The following FBXO10 variants were observed in gnomAD, a reference collection of about 807,000 sequenced individuals.
The protein encoded by FBXO10 is F-box protein 10.
FBXO10 carries 39 observed loss-of-function variants against 80.7 expected under a neutral mutation model. The observed-to-expected ratio is 0.48, with a 90% CI of 0.37 to 0.63. The LOEUF is 0.63. FBXO10 is among the 30% of genes least tolerant of loss of function. FBXO10 has a pLI of 0.00. For missense variants in FBXO10, 1,025 were observed against 1,269.0 expected, an observed-to-expected ratio of 0.81 and a Z score of 2.92; for synonymous variants, 449 against 489.6, an observed-to-expected ratio of 0.92 and a Z score of 1.09.
chr9:37,561,161 A>G (rs1392447019), intron 1 of FBXO10, among the ~76,000 whole-genome samples: 1 of 149,714 alleles, frequency 6.7e-6, no homozygotes. Flanking sequence ...AAACAAAACA[A>G]AACAAAATCA....
At chr9:37,570,814 G>A (rs1004608184) in intron 1 of FBXO10, among the ~76,000 whole-genome samples, 11 of 152,052 alleles carry the variant, frequency 7.2e-5, no homozygotes, top group Admixed American at 2.0e-4. Flanking sequence ...CCAACGTGGT[G>A]AAACTCCGTC....
intron 1 of FBXO10, among the ~76,000 whole-genome samples, chr9:37,564,452 G>A (rs1251070638): frequency 6.6e-6 from 1 of 152,172 alleles, no homozygotes; most frequent in East Asian, 1.9e-4. Context: ...CAGATCCACT[G>A]AGAGCTTGCA....
chr9:37,518,472 C>A (rs746567001), intron 8 of FBXO10, 34 bp from the exon 9 acceptor site: 1 of 1,535,640 alleles, frequency 6.5e-7, no homozygotes, highest in East Asian at 2.3e-5. Flanking sequence ...CACAGGGGGT[C>A]CCAGGGTCAG....
In FBXO10 at chr9:37,529,261, C is replaced by A. The variant is rs1237505553; in HGVS notation, c.1570-1G>T. Reference sequence around the variant, plus strand: ...GAAGGCCATGGTGGATCTGGTTACACTGCAAGTGAAAATGAGACACCACAG... The same window carrying A: ...GAAGGCCATGGTGGATCTGGTTACAATGCAAGTGAAAATGAGACACCACAG... On this transcript the variant is annotated splice_acceptor_variant, in intron 4 of 10. Coordinates refer to ENST00000432825, the MANE Select transcript of FBXO10 (RefSeq NM_012166.3). LOFTEE classifies it high-confidence loss of function. 1.0e-5 allele frequency: 16 copies of A among 1,603,490 alleles called. No individual in the cohort carries two copies. In the Admixed American group the frequency reaches 2.2e-4, roughly 22 times the overall value.
chr9:37,521,871 T>C (rs371389089), intron 7 of FBXO10, 33 bp from the exon 8 acceptor site: 7 of 1,527,146 alleles, frequency 4.6e-6, no homozygotes, highest in African/African-American at 1.4e-5. Flanking sequence ...TCACCGACAC[T>C]GAACTCAGGT....
intron 5 of FBXO10, among the ~76,000 whole-genome samples, chr9:37,528,205 T>C (rs1821521280): frequency 6.6e-6 from 1 of 152,216 alleles, no homozygotes; most frequent in African/African-American, 2.4e-5. Flanking sequence ...TTGGTCTACA[T>C]AAGGCCTTCC....
chr9:37,524,327 A>G (rs1468945029), intron 6 of FBXO10, among the ~76,000 whole-genome samples: 2 of 152,178 alleles, frequency 1.3e-5, no homozygotes, highest in Non-Finnish European at 2.9e-5. Context: ...TTTTGCTCAT[A>G]TACGTAGGCT....
In FBXO10 at chr9:37,518,133, C is replaced by T. The variant is rs199866682; in HGVS notation, c.2506G>A (p.Asp836Asn). Residue 836 changes from aspartate to asparagine, a missense_variant, in exon 9 of 11, where the codon GAC becomes AAC. Physicochemically the swap from Asp to Asn is conservative, Grantham distance 23 (BLOSUM62 1). Transcript: ENST00000432825. ...GSGLQLLPRS[D>N]TKVIKNRIHS... ...CATGCAGACATACTCACTTTAGTGT[C>T]GGACCTGGGCAGCAGCTGCAGCCCG... The T allele has an allele frequency of 5.1e-5, 82 of 1,611,762 alleles. No individual in the cohort carries two copies. The African/African-American group carries it at 7.3e-4, about 14-fold the overall frequency.
intron 1 of FBXO10, among the ~76,000 whole-genome samples, chr9:37,542,370 T>C (rs1390781430): frequency 6.6e-6 from 1 of 151,482 alleles, no homozygotes; most frequent in Non-Finnish European, 1.5e-5. Flanking sequence ...CTGAGACAGG[T>C]GGATCACCTG....
Position 37,529,202 on chromosome 9 carries a change from C to G in FBXO10, c.1628G>C (p.Gly543Ala). 1 of 1,613,694 alleles carries G rather than the reference C, an allele frequency of 6.2e-7. No individual in the cohort carries two copies. The highest frequency in any genetic ancestry group is 8.5e-7 in the Non-Finnish European group (1 of 1,179,772). The change falls in exon 5 of 11, where the codon GGC becomes GCC. Residue 543 changes from glycine (G) to alanine (A), a missense_variant. Physicochemically the swap from Gly to Ala is moderately conservative, Grantham distance 60. This residue lies in a region of FBXO10 where 478 missense variants were observed against 667.8 expected (regional missense o/e 0.72). Coordinates refer to ENST00000432825, the MANE Select transcript of FBXO10 (RefSeq NM_012166.3). ...AAAGATTTGATTGTTCCGGATGATG[C>G]CTTTCCCATTGCCAAGGACGACAAT... The part of the protein sequence containing the change: ...SGIVVLGNGK[G>A]IIRNNQIFSN...
chr9:37,525,124 CTCAT>C lies in FBXO10; in HGVS notation c.1751_1754del (p.Asn584ArgfsTer53). Reference sequence around the variant, plus strand: ...TACCTGTGATGAGGCCTTTGCCGTTCTCATTCACTGCTATGCCGGCAGCACGGCC... The same window carrying C: ...TACCTGTGATGAGGCCTTTGCCGTTCTCACTGCTATGCCGGCAGCACGGCC... On this transcript the variant is annotated frameshift_variant, in exon 6 of 11. Transcript: ENST00000432825. LOFTEE classifies it high-confidence loss of function. The C allele has an allele frequency of 6.4e-7, 1 of 1,564,434 alleles. No individual in the cohort carries two copies. Among genetic ancestry groups the C allele is most frequent in the Non-Finnish European group, 8.7e-7 (1 of 1,154,406 alleles).
chr9:37,546,967 C>T (rs1230527866), intron 1 of FBXO10, among the ~76,000 whole-genome samples: 1 of 152,188 alleles, frequency 6.6e-6, no homozygotes, highest in African/African-American at 2.4e-5. Flanking sequence ...AGGCATGAGC[C>T]ACCGCACCTG....
intron 1 of FBXO10, among the ~76,000 whole-genome samples, chr9:37,573,622 T>C (rs1822815930): frequency 6.6e-6 from 1 of 152,144 alleles, no homozygotes; most frequent in African/African-American, 2.4e-5. Context: ...CCCATTGGAA[T>C]GTATAAGCCC....
chr9:37,529,416 A>G (rs28617752), intron 4 of FBXO10, among the ~76,000 whole-genome samples, 156 bp from the exon 5 acceptor site: 33,593 of 152,094 alleles, frequency 0.22, 6,079 homozygotes, highest in African/African-American at 0.51. Context: ...AATGGGTCAC[A>G]CTGCCGCCCT....
At chr9:37,516,171 A>G (rs1821175313) in intron 9 of FBXO10, 86 bp from the exon 10 acceptor site, 2 of 1,422,532 alleles carry the variant, frequency 1.4e-6, no homozygotes, top group South Asian at 2.8e-5. Flanking sequence ...CAGTTCTAAA[A>G]CCAAGAGGCA....
Position 37,518,356 on chromosome 9 carries a change from A to G in FBXO10, c.2283T>C (p.Thr761=). The G allele has an allele frequency of 6.2e-7, 1 of 1,613,984 alleles. No homozygotes were observed. Among genetic ancestry groups the G allele is most frequent in the Non-Finnish European group, 8.5e-7 (1 of 1,179,884 alleles). ...VIHANGDRGI[T]VAQSSQPTRV... ...GGGTGGGTTGGCTGCTCTGGGCCACAGTAATGCCTCTGTCCCCATTCGCGT... is the reference window on the plus strand; with the variant it reads ...GGGTGGGTTGGCTGCTCTGGGCCACGGTAATGCCTCTGTCCCCATTCGCGT... The change falls in exon 9 of 11, where the codon ACT becomes ACC. Residue 761 remains threonine (T), a synonymous_variant. Coordinates refer to ENST00000432825, the MANE Select transcript of FBXO10 (RefSeq NM_012166.3).
At chr9:37,512,822 G>T in intron 10 of FBXO10, 101 bp from the exon 11 acceptor site, 1 of 1,244,604 alleles carries the variant, frequency 8.0e-7, no homozygotes, top group Non-Finnish European at 1.1e-6. Flanking sequence ...GGTGGATCCA[G>T]GTGTTTAAAT....
At chr9:37,540,192 A>ATT (rs1271290561) in intron 2 of FBXO10, among the ~76,000 whole-genome samples, 128 of 147,382 alleles carry the variant, frequency 8.7e-4, no homozygotes, top group African/African-American at 2.9e-3. Flanking sequence ...TATATATATG[A>ATT]TTTTTTTTTT....
intron 9 of FBXO10, among the ~76,000 whole-genome samples, chr9:37,517,703 G>A (rs1231000008): frequency 6.6e-6 from 1 of 152,200 alleles, no homozygotes; most frequent in African/African-American, 2.4e-5. Context: ...GGTATGCAGG[G>A]TATATAGGGA....
Sources: gnomAD v4.1 joint callset for allele counts (sites outside exome capture counted in the v4.1 genomes callset) on GRCh38, gnomAD v4.1.1 for gene constraint, gnomAD v4.1.1 regional missense constraint, MANE v1.5 for transcripts, NCBI Gene and HGNC (gene_info 2026-07-23, HGNC 2026-07-21) for gene names.